Variants in ANKRD36C observed in about 807,000 individuals in gnomAD.
ANKRD36C encodes the protein ankyrin repeat domain-containing protein 36C.
A neutral mutation model predicts 276.4 loss-of-function variants in ANKRD36C; 61 were observed. That is an observed-to-expected ratio of 0.22 (90% confidence interval 0.18 to 0.27). The LOEUF (loss-of-function observed/expected upper bound fraction) is 0.27. ANKRD36C is among the 10% of genes least tolerant of loss of function. The probability of loss-of-function intolerance (pLI) is 1.00; values close to 1 mark genes in which losing one functional copy is unlikely to be tolerated. For synonymous variants in ANKRD36C, 483 were observed against 680.1 expected, an observed-to-expected ratio of 0.71 and a Z score of 4.51; for missense variants, 1,447 against 2,032.3, an observed-to-expected ratio of 0.71 and a Z score of 5.54.
At chr2:95,960,647 C>G in exon 9 of ANKRD36C, 2 of 1,283,642 alleles carry the variant, frequency 1.6e-6, no homozygotes, top group Non-Finnish European at 2.1e-6. Context: ...ACCTTCAAGG[C>G]CGGTTGTTTC....
intron 6 of ANKRD36C, among the ~76,000 whole-genome samples, chr2:95,964,952 C>G (rs1156676727): frequency 6.6e-6 from 1 of 151,714 alleles, no homozygotes; most frequent in Non-Finnish European, 1.5e-5. Context: ...TATTTAAAAA[C>G]TTCTTTAACT....
chr2:95,907,324 T>G (rs1267640546), intron 42 of ANKRD36C: 2 of 69,542 alleles, frequency 2.9e-5, no homozygotes, highest in Non-Finnish European at 5.7e-5. Context: ...TTAACATATC[T>G]TCAGTGGAAG....
intron 4 of ANKRD36C, 66 bp downstream of exon 4, chr2:95,982,190 T>G: frequency 7.9e-7 from 1 of 1,263,924 alleles, no homozygotes; most frequent in Non-Finnish European, 1.1e-6. Flanking sequence ...GTGACTTCAG[T>G]GACCGCTACC....
chr2:95,959,163 A>G (rs1161646218), intron 10 of ANKRD36C, among the ~76,000 whole-genome samples: 1 of 152,284 alleles, frequency 6.6e-6, no homozygotes, highest in Non-Finnish European at 1.5e-5. Context: ...CATGTTTTTC[A>G]TGTAACACAT....
intron 48 of ANKRD36C, among the ~76,000 whole-genome samples, chr2:95,889,476 C>G (rs1388048062): frequency 1.3e-5 from 2 of 151,556 alleles, no homozygotes; most frequent in Non-Finnish European, 3.0e-5. Context: ...ATTACTTCAT[C>G]TCTTTCTCTT....
chr2:95,954,139 T>C lies in ANKRD36C; in HGVS notation c.1137-134A>G, dbSNP rs6747647. ...GTCTGAGGAAACTCAGTTATCTGCATATTAAATAATATTTCTTGGTATAAT... is the reference window on the plus strand; with the variant it reads ...GTCTGAGGAAACTCAGTTATCTGCACATTAAATAATATTTCTTGGTATAAT... On this transcript the variant is annotated intron_variant, in intron 13 of 66. Coordinates refer to ENST00000456556, the Ensembl canonical transcript of ANKRD36C. 4,342 of 979,126 alleles carry C rather than the reference T, an allele frequency of 4.4e-3. 2 individuals carry two copies. In the African/African-American group the frequency reaches 0.066, roughly 15 times the overall value. 60.7% of individuals were successfully genotyped at this position (979,126 alleles called of 1,614,324 possible).
At chr2:95,926,721 T>C (rs1331393489) in intron 28 of ANKRD36C, among the ~76,000 whole-genome samples, 1 of 151,556 alleles carries the variant, frequency 6.6e-6, no homozygotes, top group Non-Finnish European at 1.5e-5. Flanking sequence ...ACCCCAAAAT[T>C]ACATAAATAA....
At chr2:95,938,338 T>C (rs201028942) in intron 22 of ANKRD36C, among the ~76,000 whole-genome samples, 2 of 151,656 alleles carry the variant, frequency 1.3e-5, no homozygotes, top group South Asian at 2.1e-4. Flanking sequence ...ATTTTATTCA[T>C]TTTTAATCAG....
rs778287059 is a variant in ANKRD36C at position 95,921,591 on chromosome 2, T to C, written c.2245+16A>G. On this transcript the variant is annotated intron_variant, in intron 34 of 66. Transcript: ENST00000456556. ...TCTGGATTGAACATGACATTAAATG[T>C]CTTTTGCAAAATTACCTGTCCCAGA... is the stretch of plus-strand genomic sequence containing the variant. 5.0e-6 allele frequency: 8 copies of C among 1,600,938 alleles called. No individual in the cohort carries two copies. The African/African-American group carries it at 9.4e-5, about 19-fold the overall frequency.
chr2:95,862,052 A>C (rs2264178), intron 60 of ANKRD36C, among the ~76,000 whole-genome samples: 3 of 152,164 alleles, frequency 2.0e-5, no homozygotes, highest in Non-Finnish European at 4.4e-5. Context: ...TAACAATCCT[A>C]AGTCTTTATG....
At chr2:95,957,025 A>G (rs987640025) in intron 12 of ANKRD36C, among the ~76,000 whole-genome samples, 4 of 152,188 alleles carry the variant, frequency 2.6e-5, no homozygotes, top group African/African-American at 9.6e-5. Flanking sequence ...TAAAAAAAAA[A>G]ATCATGTAGG....
intron 60 of ANKRD36C, among the ~76,000 whole-genome samples, chr2:95,865,084 T>C (rs1675658903): frequency 6.6e-6 from 1 of 152,032 alleles, no homozygotes; most frequent in Non-Finnish European, 1.5e-5. Context: ...TAAAGTCAAA[T>C]ACATCTACAT....
chr2:95,976,199 A>T (rs867785322), intron 6 of ANKRD36C, among the ~76,000 whole-genome samples: 4 of 152,230 alleles, frequency 2.6e-5, no homozygotes, highest in African/African-American at 9.6e-5. Flanking sequence ...AACTAGTTCA[A>T]CCATTGTGGA....
chr2:95,919,646 C>A lies in ANKRD36C; in HGVS notation c.2246-1604G>T, dbSNP rs777830953. The stretch of plus-strand genomic sequence containing the variant: ...GAATGTGCAGCTTCGGCGACTCCCC[C>A]CACCCACCCTCCGCTGATTTATTCG... On this transcript the variant is annotated intron_variant, in intron 34 of 66. Transcript: ENST00000456556. 105 of 607,586 alleles carry A rather than the reference C, an allele frequency of 1.7e-4. 24 individuals carry two copies. The highest frequency in any genetic ancestry group is 1.4e-4 in the Non-Finnish European group (70 of 492,578). 37.6% of individuals were successfully genotyped at this position (607,586 alleles called of 1,614,324 possible).
At chr2:95,865,961 CAG>C (rs1315737029) in intron 60 of ANKRD36C, among the ~76,000 whole-genome samples, 1 of 151,982 alleles carries the variant, frequency 6.6e-6, no homozygotes. Flanking sequence ...TAAAATTCAA[CAG>C]ACAGTCCAGA....
At chr2:95,970,653 T>C (rs1000447618) in intron 6 of ANKRD36C, among the ~76,000 whole-genome samples, 1 of 152,152 alleles carries the variant, frequency 6.6e-6, no homozygotes, top group Non-Finnish European at 1.5e-5. Flanking sequence ...GAGAACCTAG[T>C]TATAAGTGAG....
At chr2:95,919,266 A>G (rs1458640504) in intron 34 of ANKRD36C, among the ~76,000 whole-genome samples, 2 of 133,162 alleles carry the variant, frequency 1.5e-5, no homozygotes, top group African/African-American at 5.1e-5. Flanking sequence ...ACAATCCATC[A>G]TCCTTGGGAA....
chr2:95,873,895 C>G (rs1248318672), intron 59 of ANKRD36C, among the ~76,000 whole-genome samples: 12 of 152,254 alleles, frequency 7.9e-5, no homozygotes, highest in South Asian at 4.2e-4. Context: ...CAGACAAACA[C>G]AGAGCCAAAT....
At chr2:95,919,671 G>A (rs141890742) in intron 34 of ANKRD36C, 62 bp downstream of exon 36, 21,339 of 730,916 alleles carry the variant, frequency 0.029, 3,894 homozygotes, top group Non-Finnish European at 0.032. Flanking sequence ...TGATTTATTC[G>A]GGATAGAGAA....
Sources: allele counts gnomAD v4.1 joint callset (sites outside exome capture counted in the v4.1 genomes callset), GRCh38; gene constraint gnomAD v4.1.1; transcripts MANE v1.5; gene names NCBI Gene and HGNC (gene_info 2026-07-23, HGNC 2026-07-21).